Variants in SDK1 observed in about 807,000 individuals in gnomAD.
The protein encoded by SDK1 is sidekick cell adhesion molecule 1, also known as protein sidekick-1.
Under a neutral mutation model 245.5 loss-of-function variants are expected in SDK1, and 157 were observed. The ratio of observed to expected loss-of-function variants is 0.64; its 90% CI spans 0.56 to 0.73. The LOEUF is 0.73. Among genes scored for constraint, SDK1 ranks in the 30% least tolerant of loss-of-function variants. SDK1 has a pLI of 0.00. For missense variants in SDK1, 3,583 were observed against 3,002.3 expected (o/e 1.19, Z -4.52); for synonymous variants, 1,647 against 1,278.5 (o/e 1.29, Z -6.15).
intron 1 of SDK1, among the ~76,000 whole-genome samples, chr7:3,578,436 G>T (rs1298461155): frequency 2.0e-5 from 3 of 152,040 alleles, no homozygotes; most frequent in Non-Finnish European, 4.4e-5. Flanking sequence ...TGCACGTATT[G>T]TCTTAACAAA....
At chr7:3,385,977 T>A (rs1781600739) in intron 1 of SDK1, among the ~76,000 whole-genome samples, 1 of 151,694 alleles carries the variant, frequency 6.6e-6, no homozygotes, top group Non-Finnish European at 1.5e-5. Flanking sequence ...CTGCATGGAT[T>A]TTTTTTTTCC....
chr7:3,574,000 G>A (rs1358246025), intron 1 of SDK1, among the ~76,000 whole-genome samples: 2 of 152,224 alleles, frequency 1.3e-5, no homozygotes, highest in South Asian at 4.1e-4. Flanking sequence ...TCTTTGTGAA[G>A]CTACTGTTTT....
intron 13 of SDK1, among the ~76,000 whole-genome samples, chr7:3,978,566 G>C (rs1287052283): frequency 6.6e-6 from 1 of 152,140 alleles, no homozygotes; most frequent in Non-Finnish European, 1.5e-5. Flanking sequence ...TCCCAAACCT[G>C]GATGAATTGG....
At chr7:4,005,233 G>GA (rs1785380177) in intron 14 of SDK1, among the ~76,000 whole-genome samples, 1 of 151,622 alleles carries the variant, frequency 6.6e-6, no homozygotes, top group African/African-American at 2.4e-5. Context: ...TTTTAGTAGA[G>GA]ACAGGGTTTT....
chr7:3,558,716 T>A lies in SDK1; in HGVS notation c.299-60364T>A, dbSNP rs1779662755. Among the ~76,000 whole-genome samples the A allele has an allele frequency of 2.6e-5, 4 of 152,368 alleles. No homozygotes were observed. The South Asian group carries it at 6.2e-4, about 24-fold the overall frequency. On this transcript the variant is annotated intron_variant, in intron 1 of 44. Coordinates refer to ENST00000404826, the MANE Select transcript of SDK1 (RefSeq NM_152744.4). ...TCAAGTCAAGATATCTAAATGGCAG[T>A]TAAATCATGAACATAAAAATAATTT...
chr7:3,415,194 G>A (rs1779326363), intron 1 of SDK1, among the ~76,000 whole-genome samples: 1 of 152,150 alleles, frequency 6.6e-6, no homozygotes, highest in Non-Finnish European at 1.5e-5. Flanking sequence ...CTGAAGTACT[G>A]AAGGATTTGA....
At chr7:3,480,366 AACT>A in intron 1 of SDK1, among the ~76,000 whole-genome samples, 1 of 151,966 alleles carries the variant, frequency 6.6e-6, no homozygotes, top group South Asian at 2.1e-4. Flanking sequence ...CTCATGTAGG[AACT>A]ACTGGAAGAA....
At chr7:3,487,535 A>T (rs1016169854) in intron 1 of SDK1, among the ~76,000 whole-genome samples, 11 of 152,070 alleles carry the variant, frequency 7.2e-5, no homozygotes, top group Non-Finnish European at 8.8e-5. Flanking sequence ...TGAGCCCAGG[A>T]GTTCGAGACC....
intron 4 of SDK1, among the ~76,000 whole-genome samples, chr7:3,711,429 G>C (rs1327423694): frequency 6.6e-6 from 1 of 152,160 alleles, no homozygotes; most frequent in Non-Finnish European, 1.5e-5. Context: ...GAATAAACAA[G>C]ATGATGATAG....
chr7:3,527,374 A>T (rs140426028), intron 1 of SDK1, among the ~76,000 whole-genome samples: 1 of 152,154 alleles, frequency 6.6e-6, no homozygotes, highest in Admixed American at 6.5e-5. Context: ...AGATGAAGGC[A>T]TGTGCTGTGG....
At chr7:3,688,247 A>C (rs936110847) in intron 4 of SDK1, among the ~76,000 whole-genome samples, 3 of 152,230 alleles carry the variant, frequency 2.0e-5, no homozygotes, top group Non-Finnish European at 4.4e-5. Flanking sequence ...GAAGTCCTGG[A>C]GAGCAATGAA....
At chr7:4,208,637 T>G (rs1028181763) in intron 37 of SDK1, among the ~76,000 whole-genome samples, 12 of 152,084 alleles carry the variant, frequency 7.9e-5, no homozygotes, top group African/African-American at 2.7e-4. Context: ...AAATGGAACT[T>G]CCCATCAGGG....
intron 1 of SDK1, among the ~76,000 whole-genome samples, chr7:3,352,777 T>C (rs1484984261): frequency 3.9e-5 from 6 of 152,032 alleles, no homozygotes; most frequent in Non-Finnish European, 7.4e-5. Flanking sequence ...TTTTTTTTTC[T>C]CTTCTCTTTT....
At chr7:3,750,643 G>C (rs1779748325) in intron 4 of SDK1, among the ~76,000 whole-genome samples, 1 of 152,222 alleles carries the variant, frequency 6.6e-6, no homozygotes, top group East Asian at 1.9e-4. Flanking sequence ...GGAAGCATCA[G>C]CGCTCTGACT....
chr7:4,129,091 G>A (rs113430790), intron 26 of SDK1, among the ~76,000 whole-genome samples: 1 of 139,150 alleles, frequency 7.2e-6, no homozygotes, highest in Non-Finnish European at 1.6e-5. Flanking sequence ...AGCAGCTTGG[G>A]GTGGGGTGCC....
Position 4,268,750 on chromosome 7 carries a change from G to A in SDK1, c.*3366G>A, listed in dbSNP as rs757938767. ...CTCCCCGTGGGTCAGCGTCCTGGTA[G>A]CATGGATCCAGTCTGAAAGGTGAGG... On this transcript the variant is annotated 3_prime_UTR_variant, in exon 45 of 45. Coordinates refer to ENST00000404826, the MANE Select transcript of SDK1 (RefSeq NM_152744.4). 2.3e-5 allele frequency: 32 copies of A among 1,367,608 alleles called. No homozygotes were observed. In the African/African-American group the frequency reaches 4.4e-4, roughly 19 times the overall value. The allele number at this position is 1,367,608 out of a possible 1,614,324, so 84.7% of individuals were successfully genotyped here.
intron 5 of SDK1, among the ~76,000 whole-genome samples, chr7:3,916,825 A>G (rs905273554): frequency 3.3e-5 from 5 of 152,212 alleles, no homozygotes; most frequent in Admixed American, 1.3e-4. Context: ...TTATTAATTG[A>G]TAGATAGATA....
Position 3,777,776 on chromosome 7 carries a change from C to G in SDK1, c.714-43674C>G, listed in dbSNP as rs770724081. On this transcript the variant is annotated intron_variant, in intron 4 of 44. Transcript: ENST00000404826. ...TTAAAACTTCCCATGCCACACCACA[C>G]TGCACATGTATATATTACTTTGCAA... Among the ~76,000 whole-genome samples the G allele has an allele frequency of 1.1e-4, 16 of 152,334 alleles. No individual in the cohort carries two copies. In the Middle Eastern group the frequency reaches 0.014, roughly 130 times the overall value.
chr7:3,320,543 C>T (rs1323203414), intron 1 of SDK1, among the ~76,000 whole-genome samples: 7 of 152,100 alleles, frequency 4.6e-5, no homozygotes, highest in African/African-American at 9.7e-5. Flanking sequence ...GCATTTTTAA[C>T]TAATTTTTGT....
Sources: gnomAD v4.1 joint callset for allele counts (sites outside exome capture counted in the v4.1 genomes callset) on GRCh38, gnomAD v4.1.1 for gene constraint, MANE v1.5 for transcripts, NCBI Gene and HGNC (gene_info 2026-07-23, HGNC 2026-07-21) for gene names.